GABBR2: variants seen among roughly 807,000 people sequenced by gnomAD.
GABBR2 encodes the protein G-protein coupled receptor 51.
A neutral mutation model predicts 105.6 loss-of-function variants in GABBR2; 23 were observed. The observed-to-expected ratio is 0.22, with a 90% CI of 0.16 to 0.31. GABBR2 has a LOEUF of 0.31. Among genes scored for constraint, GABBR2 ranks in the 10% least tolerant of loss-of-function variants. The probability of loss-of-function intolerance (pLI) is 1.00; values close to 1 mark genes in which losing one functional copy is unlikely to be tolerated. For missense variants in GABBR2, 734 were observed against 1,245.5 expected (o/e 0.59, Z 6.18); for synonymous variants, 478 against 499.7 (o/e 0.96, Z 0.58).
At chr9:98,663,392 C>T (rs1428652824) in intron 1 of GABBR2, among the ~76,000 whole-genome samples, 3 of 152,030 alleles carry the variant, frequency 2.0e-5, no homozygotes, top group African/African-American at 2.4e-5. Context: ...TGATAGCAAT[C>T]GGCATGATAG....
intron 7 of GABBR2, among the ~76,000 whole-genome samples, chr9:98,441,597 C>T (rs767759841): frequency 6.6e-5 from 10 of 152,158 alleles, no homozygotes; most frequent in Non-Finnish European, 1.5e-4. Context: ...GAACTCCCAA[C>T]CTCAGGTTAT....
At chr9:98,548,783 C>T (rs1828436243) in intron 2 of GABBR2, among the ~76,000 whole-genome samples, 1 of 120,734 alleles carries the variant, frequency 8.3e-6, no homozygotes, top group African/African-American at 2.7e-5. Context: ...GTTTGGAATG[C>T]TAGGAAGCAA....
intron 1 of GABBR2, among the ~76,000 whole-genome samples, chr9:98,656,368 GTCACATCTGACAGGCC>G (rs1227797036): frequency 6.6e-6 from 1 of 152,064 alleles, no homozygotes; most frequent in Non-Finnish European, 1.5e-5. Flanking sequence ...AGGTGCTGCA[GTCACATCTGACAGGCC>G]TCACATCTGA....
intron 1 of GABBR2, among the ~76,000 whole-genome samples, chr9:98,616,203 C>T (rs1244837462): frequency 1.3e-5 from 2 of 152,184 alleles, no homozygotes; most frequent in Non-Finnish European, 2.9e-5. Context: ...GTTACACTGC[C>T]CTCCATCCTA....
At chr9:98,616,764 A>T (rs1366237363) in intron 1 of GABBR2, among the ~76,000 whole-genome samples, 1 of 151,294 alleles carries the variant, frequency 6.6e-6, no homozygotes, top group Non-Finnish European at 1.5e-5. Context: ...AAAAAAAAAA[A>T]GAAAGAAAAG....
At chr9:98,562,768 A>G (rs371424919) in intron 2 of GABBR2, among the ~76,000 whole-genome samples, 34 of 152,282 alleles carry the variant, frequency 2.2e-4, no homozygotes, top group Middle Eastern at 3.4e-3. Flanking sequence ...GAAAGGTAGA[A>G]ACATAAATAG....
rs115191498 is a variant in GABBR2, at chr9:98,594,355, C to T, written c.322-16283G>A. On this transcript the variant is annotated intron_variant, in intron 1 of 18. Coordinates refer to ENST00000259455, the MANE Select transcript of GABBR2 (RefSeq NM_005458.8). Reference sequence around the variant, plus strand: ...ACGACACTGCCTGCGCAGGGGGTGACGCCTGGTGCTGCCCCTGGATTCACG... The same window carrying T: ...ACGACACTGCCTGCGCAGGGGGTGATGCCTGGTGCTGCCCCTGGATTCACG... 3.4e-3 allele frequency among the ~76,000 whole-genome samples: 513 copies of T among 152,296 alleles called. 3 individuals are homozygous for T. Among genetic ancestry groups the T allele is most frequent in the African/African-American group, 0.011 (475 of 41,556 alleles).
intron 1 of GABBR2, among the ~76,000 whole-genome samples, chr9:98,680,104 C>T (rs1830524151): frequency 6.6e-6 from 1 of 152,124 alleles, no homozygotes; most frequent in Non-Finnish European, 1.5e-5. Context: ...AGGGAAAAAA[C>T]ATCTTTTCTT....
At chr9:98,448,482 A>T (rs1022235840) in intron 7 of GABBR2, among the ~76,000 whole-genome samples, 9 of 152,188 alleles carry the variant, frequency 5.9e-5, no homozygotes, top group Non-Finnish European at 1.5e-5. Flanking sequence ...AGGCTGAAGT[A>T]CAGAGGCGTA....
chr9:98,341,783 T>G (rs1815999054), intron 13 of GABBR2, among the ~76,000 whole-genome samples: 2 of 152,142 alleles, frequency 1.3e-5, no homozygotes, highest in African/African-American at 4.8e-5. Flanking sequence ...CATGCTTCAC[T>G]TGGCAGCCTC....
intron 7 of GABBR2, among the ~76,000 whole-genome samples, chr9:98,424,760 G>A (rs975076981): frequency 6.6e-6 from 1 of 152,148 alleles, no homozygotes; most frequent in South Asian, 2.1e-4. Flanking sequence ...AAATACTTAG[G>A]AATCCAACTT....
At chr9:98,436,280 CAT>C (rs56768409) in intron 7 of GABBR2, among the ~76,000 whole-genome samples, 16,020 of 53,650 alleles carry the variant, frequency 0.3, 3,013 homozygotes, top group East Asian at 0.72. Context: ...CAACAACAAC[CAT>C]ATATATATAT....
chr9:98,668,052 C>T (rs1830359368), intron 1 of GABBR2, among the ~76,000 whole-genome samples: 1 of 152,230 alleles, frequency 6.6e-6, no homozygotes, highest in Admixed American at 6.5e-5. Context: ...CCTGAAGGGC[C>T]ATTACAGCTC....
Position 98,441,997 on chromosome 9 carries a change from T to C in GABBR2, c.1236+11984A>G, listed in dbSNP as rs139065896. Among the ~76,000 whole-genome samples, 41 of 152,382 alleles carry C rather than the reference T, an allele frequency of 2.7e-4. No individual in the cohort carries two copies. The East Asian group carries it at 6.5e-3, about 24-fold the overall frequency. On this transcript the variant is annotated intron_variant, in intron 7 of 18. Coordinates refer to ENST00000259455, the MANE Select transcript of GABBR2 (RefSeq NM_005458.8). ...TCTGAATGATGAGGTTTCAGGAGAC[T>C]GATTTCTCTTTGGTGCGTGCCTGTA...
At chr9:98,648,124 G>GTGTGTGT (rs1564140825) in intron 1 of GABBR2, among the ~76,000 whole-genome samples, 33 of 58,864 alleles carry the variant, frequency 5.6e-4, no homozygotes, top group Non-Finnish European at 1.0e-3. Context: ...TGTATAGATA[G>GTGTGTGT]ATAGATAGAT....
intron 7 of GABBR2, among the ~76,000 whole-genome samples, chr9:98,440,772 TC>T (rs774439298): frequency 5.9e-5 from 9 of 152,308 alleles, no homozygotes; most frequent in East Asian, 5.8e-4. Context: ...GTGAGTAACC[TC>T]TGCATGAGCA....
chr9:98,447,926 T>C (rs1053763117), intron 7 of GABBR2, among the ~76,000 whole-genome samples: 1 of 152,176 alleles, frequency 6.6e-6, no homozygotes, highest in South Asian at 2.1e-4. Context: ...TGGCTAAGGC[T>C]GGATCCCTCT....
At chr9:98,483,717 G>T (rs762052269) in intron 4 of GABBR2, among the ~76,000 whole-genome samples, 1 of 151,840 alleles carries the variant, frequency 6.6e-6, no homozygotes, top group Non-Finnish European at 1.5e-5. Flanking sequence ...TACTTTGCCC[G>T]CACAGCTGCT....
At chr9:98,575,499 C>T (rs573963716) in intron 2 of GABBR2, among the ~76,000 whole-genome samples, 2 of 152,110 alleles carry the variant, frequency 1.3e-5, no homozygotes, top group Non-Finnish European at 1.5e-5. Flanking sequence ...TTCAGTCTTT[C>T]CATCCACACA....
Sources: gnomAD v4.1 joint callset for allele counts (sites outside exome capture counted in the v4.1 genomes callset) on GRCh38, gnomAD v4.1.1 for gene constraint, MANE v1.5 for transcripts, NCBI Gene and HGNC (gene_info 2026-07-23, HGNC 2026-07-21) for gene names.